KCNMA1: variants seen among roughly 807,000 people sequenced by gnomAD.
The protein encoded by KCNMA1 is Calcium-activated potassium channel subunit alpha-1.
Under a neutral mutation model 140.0 loss-of-function variants are expected in KCNMA1, and 29 were observed. The ratio of observed to expected loss-of-function variants is 0.21; its 90% confidence interval spans 0.15 to 0.28. The LOEUF (loss-of-function observed/expected upper bound fraction) is 0.28, where lower values mean the gene tolerates loss of function less well. Ranked by LOEUF, KCNMA1 falls within the 10% of genes least tolerant of loss-of-function variation. The pLI is 1.00. For synonymous variants in KCNMA1, 612 were observed against 611.9 expected (o/e 1.00, Z 0.00); for missense variants, 880 against 1,602.2 (o/e 0.55, Z 7.70).
At chr10:77,325,201 T>G (rs80155988) in intron 2 of KCNMA1, among the ~76,000 whole-genome samples, 3,851 of 152,200 alleles carry the variant, frequency 0.025, 154 homozygotes, top group African/African-American at 0.088. Context: ...AGATTCACCC[T>G]TTTGCTAAAT....
chr10:77,015,942 C>T (rs1408161060), intron 17 of KCNMA1, among the ~76,000 whole-genome samples: 1 of 152,182 alleles, frequency 6.6e-6, no homozygotes, highest in Non-Finnish European at 1.5e-5. Flanking sequence ...TGCCCCATTC[C>T]TCTCATTCTC....
chr10:77,086,172 A>G (rs2096685877), intron 11 of KCNMA1, among the ~76,000 whole-genome samples: 1 of 152,220 alleles, frequency 6.6e-6, no homozygotes, highest in Admixed American at 6.5e-5. Context: ...TGTTGTATAA[A>G]GCTACTGGGT....
At chr10:77,262,900 T>G (rs1471172030) in intron 2 of KCNMA1, among the ~76,000 whole-genome samples, 4 of 152,148 alleles carry the variant, frequency 2.6e-5, no homozygotes, top group Non-Finnish European at 4.4e-5. Context: ...TGCAAATAAC[T>G]AGTACAGATA....
At chr10:77,223,996 G>A (rs73282120) in intron 3 of KCNMA1, among the ~76,000 whole-genome samples, 2,580 of 152,224 alleles carry the variant, frequency 0.017, 68 homozygotes, top group African/African-American at 0.058. Context: ...GCTCTGCCAC[G>A]CCTCTGCCAT....
intron 1 of KCNMA1, among the ~76,000 whole-genome samples, chr10:77,508,164 G>T (rs1270382726): frequency 6.6e-6 from 1 of 152,054 alleles, no homozygotes; most frequent in Non-Finnish European, 1.5e-5. Context: ...GGATTTAACT[G>T]CTGCTTTCAT....
At chr10:76,949,911 T>G (rs1192018182) in intron 21 of KCNMA1, among the ~76,000 whole-genome samples, 1 of 151,948 alleles carries the variant, frequency 6.6e-6, no homozygotes, top group Non-Finnish European at 1.5e-5. Flanking sequence ...AAGCCAGGAG[T>G]GGAAAACTAC....
Position 77,146,531 on chromosome 10 carries a change from T to C in KCNMA1, c.809-25483A>G, listed in dbSNP as rs376270646. Among the ~76,000 whole-genome samples the C allele has an allele frequency of 4.0e-5, 6 of 151,482 alleles. No individual in the cohort carries two copies. The East Asian group carries it at 1.2e-3, about 29-fold the overall frequency. On this transcript the variant is annotated intron_variant, in intron 5 of 27. Transcript: ENST00000286628. ...GCCTAGTCAACATGGCAAAACTTCG[T>C]CTCTTCTAAAAAATACAAAAATTAG...
intron 19 of KCNMA1, among the ~76,000 whole-genome samples, chr10:77,000,847 GTAAAAAGAAAATATATATA>G (rs1277670313): frequency 3.7e-5 from 1 of 27,020 alleles, no homozygotes; most frequent in African/African-American, 1.5e-4. Context: ...GAGAGACATA[GTAAAAAGAAAATATATATA>G]TATATATATA....
intron 1 of KCNMA1, among the ~76,000 whole-genome samples, chr10:77,449,867 C>T (rs1006974619): frequency 1.3e-5 from 2 of 152,046 alleles, no homozygotes; most frequent in Non-Finnish European, 2.9e-5. Context: ...TGGTCTTGAT[C>T]TCCTGACCTC....
chr10:77,280,124 A>C (rs966116791), intron 2 of KCNMA1, among the ~76,000 whole-genome samples: 4 of 152,194 alleles, frequency 2.6e-5, no homozygotes, highest in African/African-American at 9.6e-5. Flanking sequence ...TACTTCAGAC[A>C]TGAAAGAAAT....
intron 1 of KCNMA1, chr10:77,433,789 T>C (rs1368617229): frequency 1.3e-5 from 2 of 152,194 alleles, no homozygotes; most frequent in African/African-American, 2.4e-5. Context: ...CCACAGTAGT[T>C]ATTATGCTCA....
chr10:77,426,403 T>C (rs1315237072), intron 1 of KCNMA1, among the ~76,000 whole-genome samples: 1 of 152,166 alleles, frequency 6.6e-6, no homozygotes, highest in Admixed American at 6.5e-5. Context: ...ACAACAAGTT[T>C]ATGTAGTATG....
chr10:76,910,143 G>A, intron 24 of KCNMA1, 47 bp from the exon 25 acceptor site: 2 of 1,607,762 alleles, frequency 1.2e-6, no homozygotes, highest in South Asian at 1.1e-5. Context: ...CCACACACAG[G>A]CATTGAAGCC....
intron 1 of KCNMA1, among the ~76,000 whole-genome samples, chr10:77,621,481 A>T (rs537104313): frequency 2.0e-5 from 3 of 151,858 alleles, no homozygotes; most frequent in East Asian, 3.9e-4. Flanking sequence ...CTGGTCCCCC[A>T]TGCTCTCTTG....
intron 1 of KCNMA1, among the ~76,000 whole-genome samples, chr10:77,508,747 G>A (rs930041098): frequency 4.0e-5 from 6 of 151,562 alleles, no homozygotes; most frequent in Non-Finnish European, 7.4e-5. Context: ...CACCATCCAC[G>A]TCCAGAATTT....
chr10:77,595,712 C>T (rs1159583024), intron 1 of KCNMA1, among the ~76,000 whole-genome samples: 1 of 152,128 alleles, frequency 6.6e-6, no homozygotes, highest in Non-Finnish European at 1.5e-5. Context: ...GTTGCCCAGG[C>T]TGGAGTGCAG....
At chr10:77,632,488 G>A (rs780552386) in intron 1 of KCNMA1, among the ~76,000 whole-genome samples, 1 of 152,056 alleles carries the variant, frequency 6.6e-6, no homozygotes, top group Non-Finnish European at 1.5e-5. Flanking sequence ...CCATACTGTC[G>A]ATGTTCGTCC....
chr10:77,334,223 C>A (rs1010383950), intron 2 of KCNMA1, among the ~76,000 whole-genome samples: 2 of 152,176 alleles, frequency 1.3e-5, no homozygotes, highest in Non-Finnish European at 2.9e-5. Flanking sequence ...TCTACTCCCA[C>A]CACCTAGAAC....
intron 1 of KCNMA1, among the ~76,000 whole-genome samples, chr10:77,610,629 C>T (rs2086483806): frequency 6.6e-6 from 1 of 152,180 alleles, no homozygotes; most frequent in Non-Finnish European, 1.5e-5. Flanking sequence ...AGAAGCCAGA[C>T]ACAAAAGGCC....
Sources: gnomAD v4.1 joint callset for allele counts (sites outside exome capture counted in the v4.1 genomes callset) on GRCh38, gnomAD v4.1.1 for gene constraint, MANE v1.5 for transcripts, NCBI Gene and HGNC (gene_info 2026-07-23, HGNC 2026-07-21) for gene names.